EYS: variants seen among roughly 807,000 people sequenced by gnomAD.
The protein encoded by EYS is EGF-like photoreceptor maintenance factor, also known as protein eyes shut homolog.
EYS carries 250 observed loss-of-function variants against 282.1 expected under a neutral mutation model. The observed-to-expected ratio is 0.89, with a 90% CI of 0.80 to 0.98. The LOEUF (loss-of-function observed/expected upper bound fraction) is 0.98, where lower values mean the gene tolerates loss of function less well. Ranked by LOEUF, EYS falls within the 50% of genes least tolerant of loss-of-function variation. The pLI is 0.00. For missense variants in EYS, 4,016 were observed against 3,709.0 expected, an observed-to-expected ratio of 1.08 and a Z score of -2.15; for synonymous variants, 1,355 against 1,282.9, an observed-to-expected ratio of 1.06 and a Z score of -1.20.
intron 30 of EYS, among the ~76,000 whole-genome samples, chr6:64,304,418 C>T (rs1769358355): frequency 6.6e-6 from 1 of 152,148 alleles, no homozygotes; most frequent in African/African-American, 2.4e-5. Flanking sequence ...GAGGACTTAA[C>T]ACAACAAACC....
intron 14 of EYS, among the ~76,000 whole-genome samples, chr6:64,990,934 C>T (rs1387421002): frequency 3.3e-5 from 5 of 151,382 alleles, no homozygotes; most frequent in Admixed American, 3.3e-4. Flanking sequence ...AGTTTCAGAG[C>T]CATCATAGGT....
chr6:65,497,933 A>G (rs1029854269), intron 2 of EYS, among the ~76,000 whole-genome samples: 1 of 152,066 alleles, frequency 6.6e-6, no homozygotes, highest in Non-Finnish European at 1.5e-5. Context: ...CATATTGGTG[A>G]GTGCAATTAA....
chr6:65,052,450 TAA>T (rs141439198), intron 13 of EYS, among the ~76,000 whole-genome samples: 16 of 151,720 alleles, frequency 1.1e-4, no homozygotes, highest in African/African-American at 3.9e-4. Flanking sequence ...GGGCTTTTAA[TAA>T]AGAGTGCCTC....
chr6:64,078,304 A>G (rs1045074054), intron 32 of EYS, among the ~76,000 whole-genome samples: 4 of 152,096 alleles, frequency 2.6e-5, no homozygotes, highest in African/African-American at 9.7e-5. Flanking sequence ...GAAGTGAAAC[A>G]TCTGTTTTAA....
intron 22 of EYS, among the ~76,000 whole-genome samples, chr6:64,706,786 T>G (rs1423194571): frequency 6.6e-6 from 1 of 151,742 alleles, no homozygotes; most frequent in Non-Finnish European, 1.5e-5. Context: ...CCTGCAAGAA[T>G]GGCCAAAATA....
chr6:63,890,627 C>A (rs2149724413), intron 35 of EYS, among the ~76,000 whole-genome samples: 1 of 152,264 alleles, frequency 6.6e-6, no homozygotes, highest in East Asian at 1.9e-4. Flanking sequence ...GCACTAAATG[C>A]CCACAGGAGA....
intron 14 of EYS, among the ~76,000 whole-genome samples, chr6:64,960,980 A>T (rs1769894088): frequency 1.3e-5 from 2 of 152,176 alleles, no homozygotes; most frequent in Non-Finnish European, 2.9e-5. Context: ...CTGCAAAGAC[A>T]TGATTTATTT....
At chr6:64,532,106 A>G (rs1764361377) in intron 26 of EYS, among the ~76,000 whole-genome samples, 1 of 152,220 alleles carries the variant, frequency 6.6e-6, no homozygotes, top group African/African-American at 2.4e-5. Context: ...CTTGAGGTTC[A>G]GAAAGTCTGG....
At chr6:65,011,434 CAAA>C (rs1380614952) in intron 13 of EYS, among the ~76,000 whole-genome samples, 10 of 152,314 alleles carry the variant, frequency 6.6e-5, no homozygotes, top group African/African-American at 9.6e-5. Context: ...AATGGAGCCC[CAAA>C]TGCAGTCCAT....
At chr6:64,785,944 T>C (rs991793117) in intron 22 of EYS, among the ~76,000 whole-genome samples, 1 of 152,168 alleles carries the variant, frequency 6.6e-6, no homozygotes, top group African/African-American at 2.4e-5. Context: ...TATGTGCCAG[T>C]GTGGCAATCA....
chr6:63,788,380 C>T (rs1770422503), intron 38 of EYS, 131 bp from the exon 39 acceptor site: 4 of 662,796 alleles, frequency 6.0e-6, no homozygotes, highest in Non-Finnish European at 1.0e-5. Context: ...GAAGAAATAA[C>T]ATGATACCAC....
rs373238914 is a variant in EYS, at chr6:65,319,117, G to C, written c.1766+15863C>G. On this transcript the variant is annotated intron_variant, in intron 11 of 42. Coordinates refer to ENST00000503581, the MANE Select transcript of EYS (RefSeq NM_001142800.2). ...CTCAGGCCTGTAATCCCAGCACTTT[G>C]AGAGGCCAAGGCAGGTGGATCACTT... Among the ~76,000 whole-genome samples, 23 of 146,104 alleles carry C rather than the reference G, an allele frequency of 1.6e-4. No individual in the cohort carries two copies. In the South Asian group the frequency reaches 4.7e-3, roughly 30 times the overall value.
At chr6:65,451,996 A>T (rs1259515110) in intron 5 of EYS, among the ~76,000 whole-genome samples, 1 of 151,794 alleles carries the variant, frequency 6.6e-6, no homozygotes, top group Non-Finnish European at 1.5e-5. Flanking sequence ...AAAACTATTC[A>T]TAGAAACTTT....
At chr6:65,349,335 TC>T (rs1770515388) in intron 9 of EYS, among the ~76,000 whole-genome samples, 1 of 151,494 alleles carries the variant, frequency 6.6e-6, no homozygotes, top group African/African-American at 2.4e-5. Flanking sequence ...GCTTTATTTG[TC>T]TTTTATTCCA....
chr6:64,320,443 T>A (rs1770172594), intron 29 of EYS, among the ~76,000 whole-genome samples: 1 of 151,926 alleles, frequency 6.6e-6, no homozygotes, highest in African/African-American at 2.4e-5. Flanking sequence ...GGTCTTTTAT[T>A]CTGCAGTGTG....
intron 22 of EYS, among the ~76,000 whole-genome samples, chr6:64,653,890 A>C (rs1489358968): frequency 2.0e-5 from 3 of 152,106 alleles, no homozygotes. Flanking sequence ...AAGTTTTCAT[A>C]ATATGTGTTA....
chr6:64,051,349 G>A (rs1180805776), intron 33 of EYS, among the ~76,000 whole-genome samples: 2 of 152,100 alleles, frequency 1.3e-5, no homozygotes, highest in Admixed American at 6.6e-5. Context: ...AGAGTTATAT[G>A]TGTCCTTTCT....
intron 14 of EYS, among the ~76,000 whole-genome samples, chr6:64,968,698 C>T (rs974454459): frequency 1.3e-5 from 2 of 152,100 alleles, no homozygotes; most frequent in African/African-American, 4.8e-5. Context: ...CTTTACTAGT[C>T]AATAGCCCCA....
intron 22 of EYS, among the ~76,000 whole-genome samples, chr6:64,642,360 A>G (rs1420161638): frequency 6.6e-6 from 1 of 152,204 alleles, no homozygotes; most frequent in Non-Finnish European, 1.5e-5. Flanking sequence ...TTGAAAAATT[A>G]TGGTAGCTGA....
Sources: allele counts gnomAD v4.1 joint callset (sites outside exome capture counted in the v4.1 genomes callset), GRCh38; gene constraint gnomAD v4.1.1; transcripts MANE v1.5; gene names NCBI Gene and HGNC (gene_info 2026-07-23, HGNC 2026-07-21).